LRRIQ3: variants seen among roughly 807,000 people sequenced by gnomAD.
LRRIQ3 encodes the protein leucine-rich repeat and IQ domain-containing protein 3.
Under a neutral mutation model 59.3 loss-of-function variants are expected in LRRIQ3, and 75 were observed. The ratio of observed to expected loss-of-function variants is 1.26; its 90% CI spans 1.05 to 1.53. The LOEUF (loss-of-function observed/expected upper bound fraction) is 1.53, where lower values mean the gene tolerates loss of function less well. Among genes scored for constraint, LRRIQ3 ranks in the 40% most tolerant of loss-of-function variants. The pLI is 0.00. For synonymous variants in LRRIQ3, 250 were observed against 231.3 expected (o/e 1.08, Z -0.73); for missense variants, 831 against 710.0 (o/e 1.17, Z -1.94).
chr1:74,049,717 A>G (rs1654306276), intron 6 of LRRIQ3, among the ~76,000 whole-genome samples: 1 of 152,198 alleles, frequency 6.6e-6, no homozygotes. Flanking sequence ...ATTTAAACAC[A>G]TAACTAACAT....
chr1:74,047,159 A>T (rs1286648698), intron 6 of LRRIQ3, among the ~76,000 whole-genome samples: 1 of 152,176 alleles, frequency 6.6e-6, no homozygotes, highest in Non-Finnish European at 1.5e-5. Context: ...TTATTGTGGC[A>T]CTGTTCACTA....
At chr1:74,058,052 AAAAAAAC>A (rs60995508) in intron 6 of LRRIQ3, among the ~76,000 whole-genome samples, 2,697 of 152,126 alleles carry the variant, frequency 0.018, 86 homozygotes, top group African/African-American at 0.062. Flanking sequence ...GGCTATTATC[AAAAAAAC>A]AAAAAACAAA....
At chr1:74,038,692 C>T (rs1039719281) in intron 7 of LRRIQ3, among the ~76,000 whole-genome samples, 3 of 152,116 alleles carry the variant, frequency 2.0e-5, no homozygotes, top group Non-Finnish European at 2.9e-5. Context: ...GTGCTTGAAG[C>T]GAACCTCTGG....
At chr1:74,107,453 C>T (rs867342359) in intron 5 of LRRIQ3, among the ~76,000 whole-genome samples, 3 of 151,560 alleles carry the variant, frequency 2.0e-5, no homozygotes, top group African/African-American at 4.8e-5. Flanking sequence ...AACCAAACTC[C>T]AAGGCACAAG....
intron 5 of LRRIQ3, among the ~76,000 whole-genome samples, chr1:74,077,639 C>A (rs1308770031): frequency 6.6e-6 from 1 of 151,886 alleles, no homozygotes; most frequent in Non-Finnish European, 1.5e-5. Flanking sequence ...TCATTGCTTG[C>A]CACATTTTAT....
At chr1:74,127,474 T>G (rs1303348316) in intron 4 of LRRIQ3, among the ~76,000 whole-genome samples, 5 of 151,976 alleles carry the variant, frequency 3.3e-5, no homozygotes, top group Non-Finnish European at 5.9e-5. Context: ...GGTTTTTGTG[T>G]GTGTATCTGC....
intron 1 of LRRIQ3, among the ~76,000 whole-genome samples, chr1:74,197,395 C>A (rs1442028440): frequency 6.6e-6 from 1 of 151,304 alleles, no homozygotes; most frequent in Admixed American, 6.6e-5. Flanking sequence ...ACTCACTATT[C>A]TCTGATTCAG....
At chr1:74,096,993 T>C (rs919297357) in intron 5 of LRRIQ3, among the ~76,000 whole-genome samples, 11 of 151,920 alleles carry the variant, frequency 7.2e-5, no homozygotes, top group Non-Finnish European at 1.3e-4. Flanking sequence ...TACTCGGGGG[T>C]CAGGGATCCA....
intron 5 of LRRIQ3, among the ~76,000 whole-genome samples, chr1:74,089,386 T>C (rs545149915): frequency 7.8e-4 from 118 of 152,078 alleles, no homozygotes; most frequent in African/African-American, 2.6e-3. Flanking sequence ...GTTAAAAATA[T>C]CCATAAATTA....
At chr1:74,191,962 C>T (rs1650794147) in intron 1 of LRRIQ3, among the ~76,000 whole-genome samples, 2 of 151,870 alleles carry the variant, frequency 1.3e-5, no homozygotes, top group African/African-American at 4.8e-5. Context: ...ATTATATTCT[C>T]AAATATTCTG....
chr1:74,177,097 T>C (rs1649688176), intron 3 of LRRIQ3, among the ~76,000 whole-genome samples: 1 of 152,186 alleles, frequency 6.6e-6, no homozygotes, highest in Admixed American at 6.5e-5. Flanking sequence ...CTTCTGTTAC[T>C]TTTTTTAATA....
rs1653509109 is a variant in LRRIQ3, at chr1:74,026,206, A to G, written c.*607T>C. 2 of 152,048 alleles carry G rather than the reference A, an allele frequency of 1.3e-5. No homozygotes were observed. The highest frequency in any genetic ancestry group is 2.9e-5 in the Non-Finnish European group (2 of 67,964). 9.4% of individuals were successfully genotyped at this position (152,048 alleles called of 1,614,324 possible). A position where few individuals can be genotyped will look rare whatever the true frequency, so the allele number is the denominator to read the frequency against. ...GTATACCAAACAGGGCAAACCCATC[A>G]AAAGTAAATATACAAAAATCTTACA... On this transcript the variant is annotated 3_prime_UTR_variant, in exon 8 of 8. Transcript: ENST00000354431.
At chr1:74,136,984 T>A (rs2100625896) in intron 4 of LRRIQ3, among the ~76,000 whole-genome samples, 1 of 152,082 alleles carries the variant, frequency 6.6e-6, no homozygotes, top group South Asian at 2.1e-4. Context: ...GTTAAAAACA[T>A]GTTAAGTATT....
At chr1:74,071,689 G>A (rs1334788490) in intron 6 of LRRIQ3, among the ~76,000 whole-genome samples, 1 of 152,036 alleles carries the variant, frequency 6.6e-6, no homozygotes, top group Non-Finnish European at 1.5e-5. Flanking sequence ...ACTGACTTAT[G>A]AAGAAGAAAA....
chr1:74,125,427 G>C (rs773018267), intron 4 of LRRIQ3, among the ~76,000 whole-genome samples: 2 of 151,668 alleles, frequency 1.3e-5, no homozygotes, highest in Non-Finnish European at 3.0e-5. Context: ...CATCCTTGTT[G>C]TGTTCCAGAT....
At chr1:74,161,336 C>T (rs1648647101) in intron 3 of LRRIQ3, among the ~76,000 whole-genome samples, 2 of 152,040 alleles carry the variant, frequency 1.3e-5, no homozygotes, top group African/African-American at 4.8e-5. Flanking sequence ...CCATAGCAGT[C>T]TCACCTTCAT....
At chr1:74,057,063 T>C (rs561672652) in intron 6 of LRRIQ3, among the ~76,000 whole-genome samples, 2 of 152,296 alleles carry the variant, frequency 1.3e-5, no homozygotes, top group African/African-American at 4.8e-5. Flanking sequence ...TGCAGAACTG[T>C]GAGTCAATTA....
At chr1:74,074,005 C>G (rs2100478209) in intron 6 of LRRIQ3, among the ~76,000 whole-genome samples, 1 of 152,048 alleles carries the variant, frequency 6.6e-6, no homozygotes, top group Middle Eastern at 3.4e-3. Flanking sequence ...TGATTATGAC[C>G]AAAGTCTGAA....
chr1:74,084,338 G>A, intron 5 of LRRIQ3: 1 of 1,009,466 alleles, frequency 9.9e-7, no homozygotes, highest in Non-Finnish European at 1.4e-6. Context: ...GTGAGCTCAA[G>A]ATTTGCTTTT....
Sources: allele counts gnomAD v4.1 joint callset (sites outside exome capture counted in the v4.1 genomes callset), GRCh38; gene constraint gnomAD v4.1.1; transcripts MANE v1.5; gene names NCBI Gene and HGNC (gene_info 2026-07-23, HGNC 2026-07-21).